Variants in LPAR1 observed in about 807,000 individuals in gnomAD.
The protein encoded by LPAR1 is LPA receptor 1.
A neutral mutation model predicts 23.8 loss-of-function variants in LPAR1; 5 were observed. That is an observed-to-expected ratio of 0.21 (90% CI 0.11 to 0.44). The LOEUF is 0.44. LPAR1 is among the 20% of genes least tolerant of loss of function. The probability of loss-of-function intolerance (pLI) is 0.99; values close to 1 mark genes in which losing one functional copy is unlikely to be tolerated. For synonymous variants in LPAR1, 160 were observed against 164.7 expected (o/e 0.97, Z 0.22); for missense variants, 311 against 482.8 (o/e 0.64, Z 3.33).
upstream of LPAR1, chr9:111,038,487 C>G (rs923899481): frequency 2.6e-6 from 1 of 384,256 alleles, no homozygotes; most frequent in Non-Finnish European, 5.2e-6. This position sits in a 1 kb window ranked among gnomAD's most constrained non-coding sequence, Gnocchi z 4.4. Flanking sequence ...CTTTGGCGCG[C>G]TGGCAGGAGG....
chr9:110,896,149 T>C (rs1035898672), intron 5 of LPAR1, among the ~76,000 whole-genome samples: 12 of 152,214 alleles, frequency 7.9e-5, no homozygotes, highest in Non-Finnish European at 1.3e-4. Context: ...ATGATGCTAA[T>C]GAAGAACCTC....
chr9:110,961,391 C>T (rs1042563387), intron 4 of LPAR1, among the ~76,000 whole-genome samples: 30 of 151,580 alleles, frequency 2.0e-4, no homozygotes, highest in African/African-American at 5.8e-4. Flanking sequence ...GAGGCCGAGA[C>T]GGGTGGATCA....
chr9:111,032,546 G>GA (rs530761631), intron 2 of LPAR1, among the ~76,000 whole-genome samples: 1 of 151,968 alleles, frequency 6.6e-6, no homozygotes, highest in Admixed American at 6.6e-5. Flanking sequence ...GAGATGGGGG[G>GA]AAAAAAAGTT....
At chr9:110,995,313 T>TA (rs1007608739) in intron 2 of LPAR1, among the ~76,000 whole-genome samples, 18 of 151,948 alleles carry the variant, frequency 1.2e-4, no homozygotes, top group Admixed American at 6.6e-4. Context: ...GATAAAAGCT[T>TA]AAAAAAAATC....
intron 5 of LPAR1, among the ~76,000 whole-genome samples, chr9:110,879,983 T>C (rs1205822068): frequency 6.6e-6 from 1 of 152,186 alleles, no homozygotes; most frequent in Non-Finnish European, 1.5e-5. Context: ...GTTCAGTATG[T>C]GTTTAGTTTG....
At chr9:110,994,251 A>G (rs1239640293) in intron 2 of LPAR1, among the ~76,000 whole-genome samples, 1 of 152,224 alleles carries the variant, frequency 6.6e-6, no homozygotes, top group Non-Finnish European at 1.5e-5. Context: ...CACAATGAAC[A>G]GCCTATAATC....
Position 110,875,697 on chromosome 9 carries a change from A to G in LPAR1, c.819T>C (p.Pro273=), listed in dbSNP as rs138203587. ...CGTCTAGAAGTAACAAAACCAATCCAGGAGTCCAGCAGATGATAAAGGCCC... is the reference window on the plus strand; with the variant it reads ...CGTCTAGAAGTAACAAAACCAATCCGGGAGTCCAGCAGATGATAAAGGCCC... The part of the protein sequence containing the change: ...VLGAFIICWT[P]GLVLLLLDVC... Residue 273 remains proline, a synonymous_variant, in exon 6 of 6, where the codon CCT becomes CCC. Coordinates refer to ENST00000683809, the MANE Select transcript of LPAR1 (RefSeq NM_001351411.2). 41 of 1,606,578 alleles carry G rather than the reference A, an allele frequency of 2.6e-5. No homozygotes were observed. Among genetic ancestry groups the G allele is most frequent in the Non-Finnish European group, 3.2e-5 (37 of 1,174,536 alleles).
intron 2 of LPAR1, among the ~76,000 whole-genome samples, chr9:110,979,925 A>G (rs2096633971): frequency 6.6e-6 from 1 of 152,170 alleles, no homozygotes; most frequent in Admixed American, 6.6e-5. Context: ...TTGGATAACC[A>G]AGAGCATTTA....
intron 5 of LPAR1, among the ~76,000 whole-genome samples, chr9:110,935,346 T>G (rs907145578): frequency 6.6e-6 from 1 of 151,476 alleles, no homozygotes; most frequent in East Asian, 1.9e-4. Flanking sequence ...GATGTGGGAG[T>G]TGGATGATAT....
At chr9:111,008,908 A>G (rs986755265) in intron 2 of LPAR1, among the ~76,000 whole-genome samples, 6 of 152,156 alleles carry the variant, frequency 3.9e-5, no homozygotes, top group Non-Finnish European at 5.9e-5. Context: ...ATTCCCAGAG[A>G]AAAAGTTCCT....
chr9:110,981,990 A>T (rs1471193681), intron 2 of LPAR1, among the ~76,000 whole-genome samples: 1 of 152,166 alleles, frequency 6.6e-6, no homozygotes, highest in East Asian at 1.9e-4. Flanking sequence ...GCTGGAGAGG[A>T]TGTGGGGAAA....
chr9:111,029,697 G>A (rs911125755), intron 2 of LPAR1, among the ~76,000 whole-genome samples: 6 of 151,792 alleles, frequency 4.0e-5, no homozygotes, highest in African/African-American at 1.2e-4. Context: ...AGTCCATATC[G>A]CTCCATGTTC....
intron 4 of LPAR1, among the ~76,000 whole-genome samples, chr9:110,958,888 A>G (rs1163811147): frequency 2.6e-5 from 4 of 151,682 alleles, no homozygotes; most frequent in Non-Finnish European, 5.9e-5. Flanking sequence ...TAATCTCATT[A>G]AAAAGTGGGC....
At chr9:110,952,249 T>A (rs1344084294) in intron 4 of LPAR1, among the ~76,000 whole-genome samples, 1 of 152,050 alleles carries the variant, frequency 6.6e-6, no homozygotes, top group Non-Finnish European at 1.5e-5. Flanking sequence ...TGACCTCCAG[T>A]GGTCCACAAT....
At chr9:110,954,144 A>G (rs575296484) in intron 4 of LPAR1, among the ~76,000 whole-genome samples, 103 of 152,308 alleles carry the variant, frequency 6.8e-4, no homozygotes, top group Middle Eastern at 3.4e-3. Context: ...TCTTGGTACT[A>G]AAGAATTCAC....
chr9:110,923,784 T>A (rs1365953855), intron 5 of LPAR1, among the ~76,000 whole-genome samples: 1 of 152,210 alleles, frequency 6.6e-6, no homozygotes, highest in East Asian at 1.9e-4. Flanking sequence ...TGCAGTAGTG[T>A]CAGGATGAGA....
intron 2 of LPAR1, among the ~76,000 whole-genome samples, chr9:110,977,418 C>A (rs1020538781): frequency 1.3e-5 from 2 of 152,138 alleles, no homozygotes; most frequent in African/African-American, 4.8e-5. Context: ...GTGACAATGA[C>A]CTTGCTAATT....
chr9:110,947,638 C>T (rs1437605647), intron 4 of LPAR1, among the ~76,000 whole-genome samples: 1 of 152,186 alleles, frequency 6.6e-6, no homozygotes, highest in East Asian at 1.9e-4. Flanking sequence ...TATAGGATAC[C>T]AGGTTGGGCA....
chr9:110,886,768 AT>A (rs1372869402), intron 5 of LPAR1, among the ~76,000 whole-genome samples: 1 of 152,202 alleles, frequency 6.6e-6, no homozygotes, highest in African/African-American at 2.4e-5. Context: ...TAAGTGATAA[AT>A]TGCAAAAGTT....
Sources: allele counts gnomAD v4.1 joint callset (sites outside exome capture counted in the v4.1 genomes callset), GRCh38; gene constraint gnomAD v4.1.1; non-coding constraint Gnocchi (gnomAD v3.1); transcripts MANE v1.5; gene names NCBI Gene and HGNC (gene_info 2026-07-23, HGNC 2026-07-21).